LIG1: variants seen among roughly 807,000 people sequenced by gnomAD.
LIG1 encodes ligase I, DNA, ATP-dependent.
In LIG1, 70 loss-of-function variants were observed where a neutral mutation model predicts 115.7. The observed-to-expected ratio is 0.60, with a 90% confidence interval of 0.50 to 0.74. The LOEUF (loss-of-function observed/expected upper bound fraction) is 0.74. Among genes scored for constraint, LIG1 ranks in the 30% least tolerant of loss-of-function variants. The pLI is 0.00. For synonymous variants in LIG1, 487 were observed against 495.3 expected, an observed-to-expected ratio of 0.98 and a Z score of 0.22; for missense variants, 1,115 against 1,225.6, an observed-to-expected ratio of 0.91 and a Z score of 1.35.
At chr19:48,125,411 A>G (rs1159522100) in intron 21 of LIG1, among the ~76,000 whole-genome samples, 2 of 152,196 alleles carry the variant, frequency 1.3e-5, no homozygotes. Flanking sequence ...AGTCTGCATC[A>G]TGAAATTGGG....
At chr19:48,155,326 T>C (rs1452148897) in intron 5 of LIG1, among the ~76,000 whole-genome samples, 1 of 151,886 alleles carries the variant, frequency 6.6e-6, no homozygotes, top group Non-Finnish European at 1.5e-5. Context: ...ATCCTCAAAC[T>C]CTCCCTGCTT....
At chr19:48,164,788 C>T (rs995169267) in intron 2 of LIG1, among the ~76,000 whole-genome samples, 2 of 152,204 alleles carry the variant, frequency 1.3e-5, no homozygotes, top group African/African-American at 2.4e-5. Flanking sequence ...TTCCTGAAGC[C>T]GGACTGCATT....
Position 48,119,194 on chromosome 19 carries a change from C to T in LIG1, c.2386-4G>A. The T allele has an allele frequency of 2.5e-6, 4 of 1,582,620 alleles. No individual in the cohort carries two copies. Among genetic ancestry groups the T allele is most frequent in the Non-Finnish European group, 3.4e-6 (4 of 1,164,364 alleles). ...CATCACTGAAGCCAGTTCCAAGCTG[C>T]AGGGAGGAAGCGGGAGGTCAGAGGC... is the stretch of plus-strand genomic sequence containing the variant. On this transcript the variant is annotated splice_polypyrimidine_tract_variant and splice_region_variant and intron_variant, in intron 24 of 27. Transcript: ENST00000263274.
intron 6 of LIG1, among the ~76,000 whole-genome samples, chr19:48,152,030 A>T (rs2035510233): frequency 1.3e-5 from 2 of 152,220 alleles, no homozygotes; most frequent in African/African-American, 4.8e-5. Context: ...GCCTTAGTAG[A>T]AAGAGGCCAC....
At chr19:48,163,441 G>C (rs536834337) in intron 2 of LIG1, among the ~76,000 whole-genome samples, 3 of 151,482 alleles carry the variant, frequency 2.0e-5, no homozygotes, top group African/African-American at 7.3e-5. Flanking sequence ...GGCTGGTCTC[G>C]AACTCCTGAT....
At chr19:48,130,804 G>A (rs2033968916) in intron 19 of LIG1, among the ~76,000 whole-genome samples, 1 of 152,222 alleles carries the variant, frequency 6.6e-6, no homozygotes, top group Admixed American at 6.5e-5. Context: ...AACCAGCCAA[G>A]GACAGCAGGG....
At chr19:48,149,709 G>GC in intron 9 of LIG1, 54 bp downstream of exon 9, 1 of 1,428,216 alleles carries the variant, frequency 7.0e-7, no homozygotes, top group Non-Finnish European at 9.9e-7. Flanking sequence ...CTGTCGGAAT[G>GC]CAGAGAAGGG....
chr19:48,128,798 T>C (rs1353706421), intron 19 of LIG1, among the ~76,000 whole-genome samples: 1 of 152,260 alleles, frequency 6.6e-6, no homozygotes, highest in Non-Finnish European at 1.5e-5. Flanking sequence ...AGTCTAGCTC[T>C]GTCGCCCAGG....
intron 23 of LIG1, 116 bp from the exon 24 acceptor site, chr19:48,121,438 C>T (rs2033266698): frequency 2.9e-6 from 3 of 1,025,524 alleles, no homozygotes; most frequent in Non-Finnish European, 4.1e-6. Flanking sequence ...CTGAAGGGAA[C>T]TTCCAGAAGG....
chr19:48,154,114 C>CAGAGAAGGGGAGAGGGCCCAGAG, intron 5 of LIG1, 147 bp from the exon 6 acceptor site: 2 of 726,536 alleles, frequency 2.8e-6, no homozygotes, highest in Non-Finnish European at 5.0e-6. Context: ...CCAGTGCAGG[C>CAGAGAAGGGGAGAGGGCCCAGAG]CGCACCCTTC....
intron 26 of LIG1, among the ~76,000 whole-genome samples, chr19:48,117,157 A>G (rs889661966): frequency 1.3e-5 from 2 of 149,406 alleles, no homozygotes; most frequent in African/African-American, 2.5e-5. Flanking sequence ...ATTTAAGAAA[A>G]GAATTTTCTT....
chr19:48,135,856 G>T, intron 15 of LIG1, 77 bp from the exon 16 acceptor site: 1 of 1,369,682 alleles, frequency 7.3e-7, no homozygotes, highest in Non-Finnish European at 1.0e-6. Flanking sequence ...GTGGTTTGCT[G>T]TATGGCAAGG....
chr19:48,117,052 T>C (rs1299084717), intron 26 of LIG1, among the ~76,000 whole-genome samples: 1 of 152,178 alleles, frequency 6.6e-6, no homozygotes, highest in Non-Finnish European at 1.5e-5. Context: ...CAGGCTGGTC[T>C]TGAACTCCTG....
chr19:48,125,548 A>C (rs977615193), intron 21 of LIG1, among the ~76,000 whole-genome samples: 2 of 152,252 alleles, frequency 1.3e-5, no homozygotes, highest in Non-Finnish European at 2.9e-5. Flanking sequence ...AGAACCCACC[A>C]GACAGGCAGG....
At position 48,140,113 on chromosome 19, in the gene LIG1, C is replaced by T; in HGVS notation, c.945G>A (p.Leu315=). Residue 315 remains leucine (L), a synonymous_variant, in exon 12 of 28, where the codon TTG becomes TTA. Transcript: ENST00000263274. ...RLRMVETLSN[L]LRSVVALSPP... is the part of the protein sequence containing the mutation. ...GCGACAGGGCCACCACGGAGCGCAG[C>T]AAGTTGCTCAGCGTCTCCACCATCC... The T allele has an allele frequency of 6.2e-7, 1 of 1,608,204 alleles. No individual in the cohort carries two copies. The highest frequency in any genetic ancestry group is 8.5e-7 in the Non-Finnish European group (1 of 1,176,728).
At chr19:48,135,239 T>C (rs1424107531) in intron 16 of LIG1, among the ~76,000 whole-genome samples, 2 of 152,220 alleles carry the variant, frequency 1.3e-5, no homozygotes, top group Non-Finnish European at 2.9e-5. Flanking sequence ...ACTCCTGGGT[T>C]CAAATGATTC....
intron 23 of LIG1, 38 bp from the exon 24 acceptor site, chr19:48,121,360 G>C: frequency 6.5e-7 from 1 of 1,549,818 alleles, no homozygotes; most frequent in South Asian, 1.2e-5. Flanking sequence ...AAGGGGGAGC[G>C]CCCAAGGCGG....
At chr19:48,154,229 A>G (rs2035691627) in intron 5 of LIG1, 1 of 461,668 alleles carries the variant, frequency 2.2e-6, no homozygotes, top group Non-Finnish European at 4.1e-6. Flanking sequence ...ACGAGTAAAC[A>G]ATGATGTAAT....
chr19:48,123,401 C>T, intron 21 of LIG1, 83 bp from the exon 22 acceptor site: 1 of 1,505,962 alleles, frequency 6.6e-7, no homozygotes, highest in Non-Finnish European at 9.1e-7. Flanking sequence ...GCGAACAGGA[C>T]ATGTGCGGGT....
Sources: allele counts gnomAD v4.1 joint callset (sites outside exome capture counted in the v4.1 genomes callset), GRCh38; gene constraint gnomAD v4.1.1; transcripts MANE v1.5; gene names NCBI Gene and HGNC (gene_info 2026-07-23, HGNC 2026-07-21).